SQOR: variants seen among roughly 807,000 people sequenced by gnomAD.
SQOR encodes sulfide:quinone oxidoreductase, mitochondrial.
Under a neutral mutation model 48.6 loss-of-function variants are expected in SQOR, and 39 were observed. That is an observed-to-expected ratio of 0.80 (90% CI 0.62 to 1.05). The LOEUF is 1.05. SQOR is among the 50% of genes least tolerant of loss of function. SQOR has a pLI of 0.00. For synonymous variants in SQOR, 220 were observed against 206.2 expected (o/e 1.07, Z -0.57); for missense variants, 561 against 559.9 (o/e 1.00, Z -0.02).
intron 8 of SQOR, 27 bp from the exon 9 acceptor site, chr15:45,689,012 C>T: frequency 6.2e-7 from 1 of 1,605,646 alleles, no homozygotes; most frequent in Non-Finnish European, 8.5e-7. Flanking sequence ...AATCTACTTT[C>T]CAACTCAGTC....
upstream of SQOR, among the ~76,000 whole-genome samples, chr15:45,632,441 C>T (rs576391528): frequency 1.8e-4 from 27 of 151,912 alleles, 2 homozygotes; most frequent in African/African-American, 5.8e-4. Flanking sequence ...AGGCTGGTCT[C>T]GAACTCCTGA....
At chr15:45,641,412 T>C (rs1336559209) in intron 1 of SQOR, among the ~76,000 whole-genome samples, 1 of 152,194 alleles carries the variant, frequency 6.6e-6, no homozygotes, top group Non-Finnish European at 1.5e-5. Context: ...CTCCCAGTCC[T>C]TGAATCATCA....
Position 45,682,578 on chromosome 15 carries a change from C to G in SQOR, c.965C>G (p.Thr322Ser), listed in dbSNP as rs765426317. Residue 322 changes from threonine to serine, a missense_variant, in exon 7 of 10, where the codon ACT (threonine) becomes AGT (serine). Physicochemically the swap from Thr to Ser is moderately conservative, Grantham distance 58 (BLOSUM62 1). Coordinates refer to ENST00000260324, the MANE Select transcript of SQOR (RefSeq NM_021199.4). ...AAGWVDVDKE[T>S]LQHRRYPNVF... Reference sequence around the variant, plus strand: ...GGTTGGGTGGATGTGGATAAAGAAACTCTGCAACACAGGAGGTACCCAAAT... The same window carrying G: ...GGTTGGGTGGATGTGGATAAAGAAAGTCTGCAACACAGGAGGTACCCAAAT... 19 of 1,614,208 alleles carry G rather than the reference C, an allele frequency of 1.2e-5. No homozygotes were observed. Among genetic ancestry groups the G allele is most frequent in the Non-Finnish European group, 1.6e-5 (19 of 1,180,024 alleles).
At position 45,650,373 on chromosome 15, in the gene SQOR, C is replaced by T. The variant is rs1187253730; in HGVS notation, c.-17-8534C>T. 2.0e-5 allele frequency among the ~76,000 whole-genome samples: 3 copies of T among 152,244 alleles called. No individual in the cohort carries two copies. The South Asian group carries it at 6.2e-4, about 32-fold the overall frequency. ...TCCGGAGTTTGTTCCTTCTAACGTTCGAATGTGTTTGGAGTTTCTTTCTTC... is the reference window on the plus strand; with the variant it reads ...TCCGGAGTTTGTTCCTTCTAACGTTTGAATGTGTTTGGAGTTTCTTTCTTC... On this transcript the variant is annotated intron_variant, in intron 1 of 9. Coordinates refer to ENST00000260324, the MANE Select transcript of SQOR (RefSeq NM_021199.4).
At chr15:45,659,388 T>G (rs1889680629) in intron 2 of SQOR, among the ~76,000 whole-genome samples, 1 of 151,698 alleles carries the variant, frequency 6.6e-6, no homozygotes, top group African/African-American at 2.4e-5. Flanking sequence ...CTCCTCTGTA[T>G]TAGTTTCTTA....
intron 3 of SQOR, among the ~76,000 whole-genome samples, chr15:45,665,828 C>G (rs1889806778): frequency 6.6e-6 from 1 of 152,186 alleles, no homozygotes; most frequent in Non-Finnish European, 1.5e-5. Context: ...AGATGATCTG[C>G]CCACCTCGGC....
chr15:45,691,057 G>A lies in SQOR; in HGVS notation c.*27G>A, dbSNP rs1300287625. The stretch of plus-strand genomic sequence containing the variant: ...GATGGCTCAGCACTTGCTCATCTTG[G>A]ATGGCTTCTGGGCCAAAACTGCAGT... On this transcript the variant is annotated 3_prime_UTR_variant, in exon 10 of 10. Coordinates refer to ENST00000260324, the MANE Select transcript of SQOR (RefSeq NM_021199.4). 2 of 1,609,706 alleles carry A rather than the reference G, an allele frequency of 1.2e-6. No individual in the cohort carries two copies. The highest frequency in any genetic ancestry group is 1.7e-6 in the Non-Finnish European group (2 of 1,176,036).
At chr15:45,634,073 G>A (rs1894949036), upstream of SQOR, among the ~76,000 whole-genome samples, 1 of 151,044 alleles carries the variant, frequency 6.6e-6, no homozygotes, top group Admixed American at 6.6e-5. Flanking sequence ...CTACTCAGGA[G>A]GCTGAGACAC....
At chr15:45,658,407 C>A (rs890166801) in intron 1 of SQOR, among the ~76,000 whole-genome samples, 2 of 152,178 alleles carry the variant, frequency 1.3e-5, no homozygotes, top group African/African-American at 4.8e-5. Context: ...GGGTTTCTTG[C>A]TAGACGGTTT....
intron 1 of SQOR, among the ~76,000 whole-genome samples, chr15:45,637,580 T>C (rs1167766319): frequency 6.6e-6 from 1 of 152,188 alleles, no homozygotes; most frequent in Non-Finnish European, 1.5e-5. Context: ...ATTTGGGGCT[T>C]TTTTTCTGGC....
chr15:45,672,183 C>T (rs1184642930), intron 4 of SQOR, among the ~76,000 whole-genome samples: 5 of 152,010 alleles, frequency 3.3e-5, no homozygotes, highest in African/African-American at 7.3e-5. Context: ...GAAGGTATGG[C>T]GGTCCTGTGC....
intron 1 of SQOR, among the ~76,000 whole-genome samples, chr15:45,644,333 G>T (rs2140938861): frequency 6.6e-6 from 1 of 152,252 alleles, no homozygotes; most frequent in Non-Finnish European, 1.5e-5. Context: ...TGATCCACCT[G>T]CCTCGGCCTT....
At chr15:45,646,278 G>A (rs1404549672) in intron 1 of SQOR, among the ~76,000 whole-genome samples, 1 of 152,200 alleles carries the variant, frequency 6.6e-6, no homozygotes, top group Non-Finnish European at 1.5e-5. Flanking sequence ...ACTGGGAATT[G>A]CTCCTTCTCT....
At chr15:45,672,436 A>G (rs919043992) in intron 4 of SQOR, among the ~76,000 whole-genome samples, 3 of 152,226 alleles carry the variant, frequency 2.0e-5, no homozygotes, top group African/African-American at 7.2e-5. Flanking sequence ...AGGGGTGAAC[A>G]GTAACAAATA....
upstream of SQOR, among the ~76,000 whole-genome samples, chr15:45,632,950 A>AAAAT (rs1894924344): frequency 6.6e-6 from 1 of 152,038 alleles, no homozygotes; most frequent in African/African-American, 2.4e-5. Context: ...ACAAAAAAAA[A>AAAAT]AAATAAATAA....
chr15:45,660,359 T>C (rs1269220542), intron 2 of SQOR, among the ~76,000 whole-genome samples: 1 of 152,216 alleles, frequency 6.6e-6, no homozygotes, highest in Non-Finnish European at 1.5e-5. Context: ...TAAAGTGACG[T>C]CTGTTCAATT....
intron 6 of SQOR, among the ~76,000 whole-genome samples, chr15:45,676,816 G>A (rs1890044410): frequency 6.6e-6 from 1 of 152,138 alleles, no homozygotes; most frequent in African/African-American, 2.4e-5. Flanking sequence ...CAAGGCAGGT[G>A]GATCACTTGA....
intron 1 of SQOR, among the ~76,000 whole-genome samples, chr15:45,640,256 A>G (rs1319404936): frequency 6.6e-6 from 1 of 152,226 alleles, no homozygotes; most frequent in Non-Finnish European, 1.5e-5. Context: ...CTGCTTGTGA[A>G]CTTCCATTTT....
chr15:45,670,990 C>G (rs1413380226), intron 4 of SQOR, among the ~76,000 whole-genome samples: 1 of 152,196 alleles, frequency 6.6e-6, no homozygotes, highest in African/African-American at 2.4e-5. Flanking sequence ...CAATGCGTCT[C>G]CATGGTACTG....
Sources: gnomAD v4.1 joint callset for allele counts (sites outside exome capture counted in the v4.1 genomes callset) on GRCh38, gnomAD v4.1.1 for gene constraint, MANE v1.5 for transcripts, NCBI Gene and HGNC (gene_info 2026-07-23, HGNC 2026-07-21) for gene names.